Variants in PRMT5 observed in about 807,000 individuals in gnomAD.
PRMT5 encodes protein arginine N-methyltransferase 5.
In PRMT5, 15 loss-of-function variants were observed where a neutral mutation model predicts 84.0. The ratio of observed to expected loss-of-function variants is 0.18; its 90% confidence interval spans 0.12 to 0.28. The LOEUF is 0.28. PRMT5 is among the 10% of genes least tolerant of loss of function. The pLI, the probability that PRMT5 is intolerant of heterozygous loss-of-function variation, is 1.00. For missense variants in PRMT5, 486 were observed against 808.0 expected (o/e 0.60, Z 4.83); for synonymous variants, 276 against 292.4 (o/e 0.94, Z 0.57).
In PRMT5 at chr14:22,929,347, C is replaced by A. The variant is rs775577695; in HGVS notation, c.15G>T (p.Ala5=). The change falls in exon 1 of 17, where the codon GCG becomes GCT. Residue 5 remains alanine, a synonymous_variant. Coordinates refer to ENST00000324366, the MANE Select transcript of PRMT5 (RefSeq NM_006109.5). ...CGCGGCTCCCACCAGCACCCCCGAC[C>A]GCCATCGCCGCCATCTTTCTCCTCG... is the stretch of plus-strand genomic sequence containing the variant. The part of the protein sequence containing the change: MAAM[A]VGGAGGSRVS... 19 of 1,608,430 alleles carry A rather than the reference C, an allele frequency of 1.2e-5. No individual in the cohort carries two copies. The highest frequency in any genetic ancestry group is 2.2e-5 in the East Asian group (1 of 44,750).
chr14:22,927,450 T>C lies in PRMT5; in HGVS notation c.450+76A>G. On this transcript the variant is annotated intron_variant, in intron 4 of 16. Transcript: ENST00000324366. Reference sequence around the variant, plus strand: ...TCTGCCAAACACACCCTTCACTGAATGGCTAGGCACAAGAAGGTACTTAGC... The same window carrying C: ...TCTGCCAAACACACCCTTCACTGAACGGCTAGGCACAAGAAGGTACTTAGC... The C allele has an allele frequency of 2.5e-6, 4 of 1,575,806 alleles. No individual in the cohort carries two copies. In the South Asian group the frequency reaches 4.5e-5, roughly 18 times the overall value.
chr14:22,920,805 G>A lies in PRMT5; in HGVS notation c.*99C>T. On this transcript the variant is annotated 3_prime_UTR_variant, in exon 17 of 17. Coordinates refer to ENST00000324366, the MANE Select transcript of PRMT5 (RefSeq NM_006109.5). The stretch of plus-strand genomic sequence containing the variant: ...CAGATTGAAATGCTCCTCTCTGATG[G>A]GCAAGGGGAATCACAGCCCATAGAT... 1.3e-6 allele frequency: 2 copies of A among 1,515,874 alleles called. No individual in the cohort carries two copies. The highest frequency in any genetic ancestry group is 2.3e-5 in the South Asian group (2 of 88,742). The allele number at this position is 1,515,874 out of a possible 1,614,324, so 93.9% of individuals were successfully genotyped here.
rs371714773 is a variant in PRMT5, at chr14:22,923,658, C to T, written c.1375+350G>A. 3.3e-5 allele frequency among the ~76,000 whole-genome samples: 5 copies of T among 151,906 alleles called. No individual in the cohort carries two copies. Among genetic ancestry groups the T allele is most frequent in the African/African-American group, 9.7e-5 (4 of 41,306 alleles). ...CCTCCCGAGTAGCTGGGATTACAGG[C>T]GTGCACCGCCACGCCTGGCTAATTT... On this transcript the variant is annotated intron_variant, in intron 12 of 16. Coordinates refer to ENST00000324366, the MANE Select transcript of PRMT5 (RefSeq NM_006109.5). This position sits in a 1 kb window ranked among gnomAD's most constrained non-coding sequence, Gnocchi z 5.2.
rs1397173806 is a variant in PRMT5 at position 22,922,743 on chromosome 14, T to C, written c.1578A>G (p.Arg526=). Residue 526 remains arginine, a splice_region_variant and synonymous_variant, in exon 14 of 17, where the codon AGA becomes AGG. Transcript: ENST00000324366. ...QPCFTFSHPN[R]DPMIDNNRYC... is the part of the protein sequence containing the mutation. ...GAGGACAGCCATAAAAGAACCTACC[T>C]CTGTTGGGATGGCTGAAGGTGAAAC... The C allele has an allele frequency of 5.6e-6, 9 of 1,613,758 alleles. No homozygotes were observed. The highest frequency in any genetic ancestry group is 1.1e-5 in the South Asian group (1 of 91,058).
rs1196686014 is a variant in PRMT5 at position 22,928,417 on chromosome 14, AAGG to A, written c.229+77_229+79del. On this transcript the variant is annotated intron_variant, in intron 2 of 16. Coordinates refer to ENST00000324366, the MANE Select transcript of PRMT5 (RefSeq NM_006109.5). The surrounding 1 kb of genome is among the most constrained non-coding windows in gnomAD (Gnocchi z 4.8). ...ACTAACAAATATATCCAAGTCAGAAAAGGAGGAGAATGAGGGCCCCGATAAAGC... is the reference window on the plus strand; with the variant it reads ...ACTAACAAATATATCCAAGTCAGAAAAGGAGAATGAGGGCCCCGATAAAGC... 5 of 1,296,140 alleles carry A rather than the reference AAGG, an allele frequency of 3.9e-6. No individual in the cohort carries two copies. The highest frequency in any genetic ancestry group is 1.5e-5 in the African/African-American group (1 of 68,164). 80.3% of individuals were successfully genotyped at this position (1,296,140 alleles called of 1,614,324 possible).
chr14:22,922,953 A>C (rs1490829535), intron 13 of PRMT5, 98 bp downstream of exon 13: 1 of 1,394,364 alleles, frequency 7.2e-7, no homozygotes, highest in Non-Finnish European at 1.0e-6. Context: ...CTTCTCCTTC[A>C]CCTCTTCATC....
chr14:22,922,840 C>G lies in PRMT5; in HGVS notation c.1486-5G>C, dbSNP rs202016582. ...ATAAGGCATCTCAAACTGGGCCTGT[C>G]AGAGACAGAAAGAGAGAGAGAGTGT... On this transcript the variant is annotated splice_polypyrimidine_tract_variant and splice_region_variant and intron_variant, in intron 13 of 16. Transcript: ENST00000324366. 6.2e-7 allele frequency: 1 copy of G among 1,612,486 alleles called. No individual in the cohort carries two copies. Among genetic ancestry groups the G allele is most frequent in the South Asian group, 1.1e-5 (1 of 90,928 alleles).
chr14:22,927,231 G>A (rs540016880), intron 4 of PRMT5, among the ~76,000 whole-genome samples: 7 of 151,588 alleles, frequency 4.6e-5, no homozygotes, highest in South Asian at 2.1e-4. Context: ...GACTACAGGC[G>A]TGTGACACCC....
chr14:22,925,166 T>TAA, intron 7 of PRMT5, 126 bp from the exon 8 acceptor site: 6 of 821,970 alleles, frequency 7.3e-6, no homozygotes, highest in East Asian at 6.4e-5. Flanking sequence ...TTTTTTTTTT[T>TAA]AAAAAAAAAG....
At position 22,926,118 on chromosome 14, in the gene PRMT5, C is replaced by T; in HGVS notation, c.777+15G>A. On this transcript the variant is annotated intron_variant, in intron 7 of 16. Transcript: ENST00000324366. The stretch of plus-strand genomic sequence containing the variant: ...TGTATAGCTGGACTACCTTTAGAAC[C>T]CTCCTACCACTCACCTTGAGGAGCC... 3 of 1,595,790 alleles carry T rather than the reference C, an allele frequency of 1.9e-6. No homozygotes were observed. The African/African-American group carries it at 4.0e-5, about 21-fold the overall frequency.
chr14:22,928,098 A>C lies in PRMT5; in HGVS notation c.315+28T>G. 3 of 1,600,812 alleles carry C rather than the reference A, an allele frequency of 1.9e-6. No homozygotes were observed. Among genetic ancestry groups the C allele is most frequent in the Non-Finnish European group, 2.6e-6 (3 of 1,170,912 alleles). ...CTCCCCACCCAGCTTGGTTAGAAAA[A>C]TCCAGCAGAGAAGTCAAACAGTCTT... is the stretch of plus-strand genomic sequence containing the variant. On this transcript the variant is annotated intron_variant, in intron 3 of 16. Coordinates refer to ENST00000324366, the MANE Select transcript of PRMT5 (RefSeq NM_006109.5). The surrounding 1 kb of genome is among the most constrained non-coding windows in gnomAD (Gnocchi z 4.8).
At position 22,928,617 on chromosome 14, in the gene PRMT5, T is replaced by TA; in HGVS notation, c.111-3dup. 1 of 1,602,228 alleles carries TA rather than the reference T, an allele frequency of 6.2e-7. No individual in the cohort carries two copies. The highest frequency in any genetic ancestry group is 8.6e-7 in the Non-Finnish European group (1 of 1,169,288). On this transcript the variant is annotated splice_region_variant and splice_polypyrimidine_tract_variant and intron_variant, in intron 1 of 16. Transcript: ENST00000324366. The surrounding 1 kb of genome is among the most constrained non-coding windows in gnomAD (Gnocchi z 4.8). ...ACAGGCATGCAGAGGAAATCAAACC[T>TA]ACAACCGCGACAGACCCAGAATCAT...
Position 22,929,316 on chromosome 14 carries a change from T to TGGACACGCGGCTCCCACC in PRMT5, c.28_45dup (p.Gly10_Ser15dup). ...GGGACGCAATTCAGGTCCCTCCCGCTGGACACGCGGCTCCCACCAGCACCC... is the reference window on the plus strand; with the variant it reads ...GGGACGCAATTCAGGTCCCTCCCGCTGGACACGCGGCTCCCACCGGACACGCGGCTCCCACCAGCACCC... On this transcript the variant is annotated inframe_insertion, in exon 1 of 17. Coordinates refer to ENST00000324366, the MANE Select transcript of PRMT5 (RefSeq NM_006109.5). 6.2e-7 allele frequency: 1 copy of TGGACACGCGGCTCCCACC among 1,612,968 alleles called. No individual in the cohort carries two copies. Among genetic ancestry groups the TGGACACGCGGCTCCCACC allele is most frequent in the Non-Finnish European group, 8.5e-7 (1 of 1,179,750 alleles).
At chr14:22,929,071 T>TC in intron 1 of PRMT5, 181 bp downstream of exon 1, 1 of 1,490,696 alleles carries the variant, frequency 6.7e-7, no homozygotes, top group Non-Finnish European at 9.2e-7. Flanking sequence ...ACCACAGGCC[T>TC]CCCACAAGTT....
rs1451813633 is a variant in PRMT5 at position 22,926,130 on chromosome 14, C to T, written c.777+3G>A. 1 of 1,605,756 alleles carries T rather than the reference C, an allele frequency of 6.2e-7. No individual in the cohort carries two copies. Among genetic ancestry groups the T allele is most frequent in the Non-Finnish European group, 8.5e-7 (1 of 1,172,498 alleles). On this transcript the variant is annotated splice_donor_region_variant and intron_variant, in intron 7 of 16. Transcript: ENST00000324366. ...CTACCTTTAGAACCCTCCTACCACT[C>T]ACCTTGAGGAGCCGGAAGATGAGCC...
At chr14:22,922,065 A>T (rs2044311643) in intron 16 of PRMT5, 111 bp downstream of exon 16, 2 of 988,616 alleles carry the variant, frequency 2.0e-6, no homozygotes, top group Non-Finnish European at 3.2e-6. Context: ...GAGCATATGA[A>T]ATCAGGAGAA....
At chr14:22,922,604 A>C in intron 14 of PRMT5, 45 bp from the exon 15 acceptor site, 5 of 1,549,460 alleles carry the variant, frequency 3.2e-6, no homozygotes, top group Non-Finnish European at 4.5e-6. Context: ...CAGAAGCTCT[A>C]GACAACTTGA....
intron 16 of PRMT5, among the ~76,000 whole-genome samples, chr14:22,921,611 G>T (rs778366725): frequency 2.0e-5 from 3 of 152,164 alleles, no homozygotes; most frequent in Non-Finnish European, 4.4e-5. Context: ...CAGGCCAGGC[G>T]CGGTGGCTCA....
Position 22,922,864 on chromosome 14 carries a change from G to A in PRMT5, c.1486-29C>T, listed in dbSNP as rs559740570. 1.4e-4 allele frequency: 226 copies of A among 1,597,300 alleles called. 1 individual carries two copies. The South Asian group carries it at 2.3e-3, about 16-fold the overall frequency. Reference sequence around the variant, plus strand: ...TCAGAGACAGAAAGAGAGAGAGAGTGTTGGGGAAGACACACAAGAGAGAAC... The same window carrying A: ...TCAGAGACAGAAAGAGAGAGAGAGTATTGGGGAAGACACACAAGAGAGAAC... On this transcript the variant is annotated intron_variant, in intron 13 of 16. Coordinates refer to ENST00000324366, the MANE Select transcript of PRMT5 (RefSeq NM_006109.5).
Sources: gnomAD v4.1 joint callset for allele counts (sites outside exome capture counted in the v4.1 genomes callset) on GRCh38, gnomAD v4.1.1 for gene constraint, Gnocchi (gnomAD v3.1) non-coding constraint, MANE v1.5 for transcripts, NCBI Gene and HGNC (gene_info 2026-07-23, HGNC 2026-07-21) for gene names.